COL25A1: variants seen among roughly 807,000 people sequenced by gnomAD.
COL25A1 encodes collagen alpha-1(XXV) chain.
Under a neutral mutation model 128.4 loss-of-function variants are expected in COL25A1, and 103 were observed. The observed-to-expected ratio is 0.80, with a 90% CI of 0.68 to 0.94. COL25A1 has a LOEUF of 0.94. Among genes scored for constraint, COL25A1 ranks in the 40% least tolerant of loss-of-function variants. COL25A1 has a pLI of 0.00. For synonymous variants in COL25A1, 279 were observed against 277.2 expected, an observed-to-expected ratio of 1.01 and a Z score of -0.06; for missense variants, 745 against 840.0, an observed-to-expected ratio of 0.89 and a Z score of 1.40.
chr4:108,813,170 A>G lies in COL25A1; in HGVS notation c.*757T>C, dbSNP rs1730942311. On this transcript the variant is annotated 3_prime_UTR_variant, in exon 38 of 38. Coordinates refer to ENST00000399132, the MANE Select transcript of COL25A1 (RefSeq NM_198721.4). ...AAAACTGGTGGCAGCAACAGGCTCAACCCCTTCGTATTTCAACCAAAGTGG... is the reference window on the plus strand; with the variant it reads ...AAAACTGGTGGCAGCAACAGGCTCAGCCCCTTCGTATTTCAACCAAAGTGG... 1 of 152,134 alleles carries G rather than the reference A, an allele frequency of 6.6e-6. No homozygotes were observed. The highest frequency in any genetic ancestry group is 2.4e-5 in the African/African-American group (1 of 41,416). The allele number at this position is 152,134 out of a possible 1,614,324, so 9.4% of individuals were successfully genotyped here.
intron 6 of COL25A1, among the ~76,000 whole-genome samples, chr4:109,004,300 T>C (rs1472274731): frequency 2.0e-5 from 3 of 152,146 alleles, no homozygotes; most frequent in Non-Finnish European, 2.9e-5. Flanking sequence ...CACTGAATAA[T>C]AGACAGTTTC....
At chr4:109,122,185 A>G (rs1768162560) in intron 3 of COL25A1, among the ~76,000 whole-genome samples, 1 of 152,086 alleles carries the variant, frequency 6.6e-6, no homozygotes, top group Non-Finnish European at 1.5e-5. Flanking sequence ...TCTGTAGGAT[A>G]CTACAGTGTT....
chr4:109,111,928 T>G (rs2126039642), intron 3 of COL25A1, among the ~76,000 whole-genome samples: 1 of 152,280 alleles, frequency 6.6e-6, no homozygotes, highest in South Asian at 2.1e-4. Context: ...CTCCAGTGAA[T>G]AATCCCTTAA....
Position 109,187,662 on chromosome 4 carries a change from G to A in COL25A1, c.367+112921C>T, listed in dbSNP as rs115651752. ...GTTTTGAAAAATTATTTTTTTCTCA[G>A]TCCTCTGTGATTGGTGGCTTCATTT... On this transcript the variant is annotated intron_variant, in intron 3 of 37. Coordinates refer to ENST00000399132, the MANE Select transcript of COL25A1 (RefSeq NM_198721.4). Among the ~76,000 whole-genome samples, 720 of 152,152 alleles carry A rather than the reference G, an allele frequency of 4.7e-3. 6 individuals are homozygous for A. Among genetic ancestry groups the A allele is most frequent in the African/African-American group, 0.016 (681 of 41,504 alleles).
chr4:109,146,428 T>C (rs1049762104), intron 3 of COL25A1, among the ~76,000 whole-genome samples: 1 of 152,214 alleles, frequency 6.6e-6, no homozygotes, highest in Non-Finnish European at 1.5e-5. Flanking sequence ...TTACAATATG[T>C]TTCTTGAATA....
At chr4:108,984,526 C>T (rs932270492) in intron 6 of COL25A1, among the ~76,000 whole-genome samples, 2 of 152,204 alleles carry the variant, frequency 1.3e-5, no homozygotes, top group Non-Finnish European at 2.9e-5. Flanking sequence ...CTGCAGGTCC[C>T]GAGCCCTGCC....
chr4:108,946,167 G>A (rs1388159922), intron 8 of COL25A1, among the ~76,000 whole-genome samples: 1 of 152,110 alleles, frequency 6.6e-6, no homozygotes, highest in Non-Finnish European at 1.5e-5. Flanking sequence ...CATCATTACA[G>A]GAAAGGCTAT....
At chr4:108,991,811 T>G (rs184579920) in intron 6 of COL25A1, among the ~76,000 whole-genome samples, 154 of 152,156 alleles carry the variant, frequency 1.0e-3, no homozygotes, top group African/African-American at 3.0e-3. Context: ...ATTTCTAAAG[T>G]GTTAGGTTAG....
chr4:108,978,255 A>C (rs1393591529), intron 6 of COL25A1, among the ~76,000 whole-genome samples: 1 of 152,232 alleles, frequency 6.6e-6, no homozygotes, highest in Non-Finnish European at 1.5e-5. Flanking sequence ...CTCCATGCAC[A>C]GCTGCAGCGG....
chr4:109,181,485 T>C (rs1357831476), intron 3 of COL25A1, among the ~76,000 whole-genome samples: 2 of 152,162 alleles, frequency 1.3e-5, no homozygotes, highest in African/African-American at 4.8e-5. Flanking sequence ...TATGGTTATA[T>C]ATATTTAAAA....
chr4:109,024,441 T>C (rs1286169521), intron 5 of COL25A1, among the ~76,000 whole-genome samples: 2 of 151,942 alleles, frequency 1.3e-5, no homozygotes, highest in Non-Finnish European at 2.9e-5. Flanking sequence ...TTTGTGTATA[T>C]ACATATTTAT....
chr4:109,130,281 T>A (rs534430543), intron 3 of COL25A1, among the ~76,000 whole-genome samples: 1 of 152,196 alleles, frequency 6.6e-6, no homozygotes, highest in African/African-American at 2.4e-5. Context: ...GTGCTCTACA[T>A]TATAACAGAC....
chr4:108,850,209 G>T (rs1031197240), intron 26 of COL25A1, among the ~76,000 whole-genome samples: 27 of 152,250 alleles, frequency 1.8e-4, no homozygotes, highest in African/African-American at 6.5e-4. Context: ...AATGGGGTTT[G>T]TAAGAGTTAT....
chr4:109,017,507 A>G (rs955010440), intron 5 of COL25A1, among the ~76,000 whole-genome samples: 52 of 152,364 alleles, frequency 3.4e-4, no homozygotes, highest in African/African-American at 1.2e-3. Flanking sequence ...TGCTAACACA[A>G]TTCTCTGAAT....
intron 3 of COL25A1, among the ~76,000 whole-genome samples, chr4:109,136,605 T>C (rs899979048): frequency 6.6e-6 from 1 of 152,180 alleles, no homozygotes; most frequent in African/African-American, 2.4e-5. Context: ...TTGGAACATT[T>C]CAGGAACTGA....
intron 8 of COL25A1, among the ~76,000 whole-genome samples, chr4:108,943,276 C>T (rs1023969878): frequency 2.0e-5 from 3 of 152,184 alleles, no homozygotes; most frequent in Admixed American, 1.3e-4. Context: ...ACTGTAATTT[C>T]CCTCAATTGA....
At chr4:109,222,059 CTTTTTT>C (rs3041336) in intron 3 of COL25A1, among the ~76,000 whole-genome samples, 3 of 85,764 alleles carry the variant, frequency 3.5e-5, no homozygotes, top group Admixed American at 3.1e-4. Flanking sequence ...TAAATAACTT[CTTTTTT>C]TTTTTTTTTT....
In COL25A1 at chr4:108,841,760, T is replaced by C. The variant is rs764273715; in HGVS notation, c.1630-39A>G. ...ACAGAGCTTTTAATTAAGAATTGAT[T>C]CCCTGTTTCCCAGCAAGAGTGAATA... On this transcript the variant is annotated intron_variant, in intron 30 of 37. Transcript: ENST00000399132. The C allele has an allele frequency of 7.3e-6, 11 of 1,511,478 alleles. No homozygotes were observed. In the Admixed American group the frequency reaches 1.8e-4, roughly 25 times the overall value. The allele number at this position is 1,511,478 out of a possible 1,614,324, so 93.6% of individuals were successfully genotyped here.
intron 17 of COL25A1, 55 bp downstream of exon 17, chr4:108,889,646 A>G: frequency 2.0e-6 from 3 of 1,520,068 alleles, no homozygotes; most frequent in Non-Finnish European, 2.7e-6. Flanking sequence ...GTAGAGGCCT[A>G]TAAAAATCAG....
Sources: gnomAD v4.1 joint callset for allele counts (sites outside exome capture counted in the v4.1 genomes callset) on GRCh38, gnomAD v4.1.1 for gene constraint, MANE v1.5 for transcripts, NCBI Gene and HGNC (gene_info 2026-07-23, HGNC 2026-07-21) for gene names.